GUCA1C: variants seen among roughly 807,000 people sequenced by gnomAD.
GUCA1C encodes the protein guanylate cyclase activator 1C.
A neutral mutation model predicts 16.2 loss-of-function variants in GUCA1C; 15 were observed. The observed-to-expected ratio is 0.93, with a 90% CI of 0.62 to 1.43. The LOEUF is 1.43. Among genes scored for constraint, GUCA1C ranks in the 40% most tolerant of loss-of-function variants. The probability of loss-of-function intolerance (pLI) is 0.00; values close to 1 mark genes in which losing one functional copy is unlikely to be tolerated. For missense variants in GUCA1C, 275 were observed against 244.8 expected (o/e 1.12, Z -0.82); for synonymous variants, 78 against 85.4 (o/e 0.91, Z 0.48).
chr3:108,940,679 G>A (rs1436162804), intron 1 of GUCA1C, among the ~76,000 whole-genome samples: 1 of 152,198 alleles, frequency 6.6e-6, no homozygotes, highest in African/African-American at 2.4e-5. Context: ...CTTTCGTTTG[G>A]AAATACAAGC....
intron 1 of GUCA1C, among the ~76,000 whole-genome samples, chr3:108,929,935 C>T (rs1233511427): frequency 6.6e-6 from 1 of 152,230 alleles, no homozygotes; most frequent in Admixed American, 6.5e-5. Context: ...AAGATTTTGT[C>T]GTATTCATCA....
At chr3:108,935,212 G>A (rs1946713239) in intron 1 of GUCA1C, among the ~76,000 whole-genome samples, 2 of 151,962 alleles carry the variant, frequency 1.3e-5, no homozygotes, top group Admixed American at 6.6e-5. Context: ...GGAGAGGAAG[G>A]GAGCAGGTGT....
At chr3:108,922,322 A>G (rs1266488112) in intron 1 of GUCA1C, among the ~76,000 whole-genome samples, 1 of 152,148 alleles carries the variant, frequency 6.6e-6, no homozygotes, top group Non-Finnish European at 1.5e-5. Context: ...TATCTTTTTC[A>G]TATAATGACT....
chr3:108,942,805 A>G (rs1946800931), intron 1 of GUCA1C, among the ~76,000 whole-genome samples: 1 of 152,230 alleles, frequency 6.6e-6, no homozygotes, highest in South Asian at 2.1e-4. Context: ...AATTTAGGAC[A>G]GAGACTAATT....
chr3:108,949,267 T>C (rs553031298), intron 1 of GUCA1C, among the ~76,000 whole-genome samples: 1 of 152,152 alleles, frequency 6.6e-6, no homozygotes, highest in Non-Finnish European at 1.5e-5. Flanking sequence ...GAGAAATCCA[T>C]GTGTGGAAGG....
intron 1 of GUCA1C, among the ~76,000 whole-genome samples, chr3:108,938,256 T>G (rs1946749408): frequency 6.6e-6 from 1 of 152,210 alleles, no homozygotes; most frequent in Admixed American, 6.5e-5. Flanking sequence ...CATCACTATC[T>G]GTGAAAAATT....
intron 1 of GUCA1C, among the ~76,000 whole-genome samples, chr3:108,928,343 C>T (rs1946640755): frequency 6.6e-6 from 1 of 152,186 alleles, no homozygotes; most frequent in Non-Finnish European, 1.5e-5. Flanking sequence ...TTCTGGATAA[C>T]AGCCCTTCAT....
At chr3:108,925,384 C>A (rs1411975057) in intron 1 of GUCA1C, among the ~76,000 whole-genome samples, 1 of 152,156 alleles carries the variant, frequency 6.6e-6, no homozygotes, top group African/African-American at 2.4e-5. Flanking sequence ...GTTGACCCAA[C>A]AATCATTCTG....
intron 1 of GUCA1C, among the ~76,000 whole-genome samples, chr3:108,931,962 C>G (rs141291013): frequency 6.7e-6 from 1 of 149,894 alleles, no homozygotes; most frequent in South Asian, 2.1e-4. Flanking sequence ...TGCCATTCTC[C>G]TGCTCAGCCT....
At chr3:108,911,546 A>G (rs779208240) in intron 3 of GUCA1C, among the ~76,000 whole-genome samples, 10 of 152,196 alleles carry the variant, frequency 6.6e-5, no homozygotes, top group Non-Finnish European at 1.2e-4. Context: ...ATGTCACAGA[A>G]TTGTGTTTAT....
intron 1 of GUCA1C, among the ~76,000 whole-genome samples, chr3:108,947,402 G>T (rs532355807): frequency 2.6e-5 from 4 of 152,216 alleles, no homozygotes; most frequent in African/African-American, 9.6e-5. Context: ...GGCAGAGAAG[G>T]AAGAAAATCT....
intron 1 of GUCA1C, among the ~76,000 whole-genome samples, chr3:108,928,459 C>T (rs956038599): frequency 2.6e-5 from 4 of 152,168 alleles, no homozygotes; most frequent in Non-Finnish European, 5.9e-5. Flanking sequence ...TAAACTCCAG[C>T]TTATTATTTT....
At chr3:108,918,325 A>G (rs1946537746) in intron 2 of GUCA1C, among the ~76,000 whole-genome samples, 1 of 152,154 alleles carries the variant, frequency 6.6e-6, no homozygotes, top group Admixed American at 6.5e-5. Flanking sequence ...GATCTAACAT[A>G]GCTCTATGCC....
chr3:108,939,764 T>C (rs1404810810), intron 1 of GUCA1C, among the ~76,000 whole-genome samples: 3 of 152,154 alleles, frequency 2.0e-5, no homozygotes, highest in African/African-American at 7.2e-5. Flanking sequence ...TAGTTTTCTG[T>C]CACTTAGACT....
At chr3:108,950,998 G>A (rs1946890938) in intron 1 of GUCA1C, among the ~76,000 whole-genome samples, 1 of 151,830 alleles carries the variant, frequency 6.6e-6, no homozygotes, top group South Asian at 2.1e-4. Context: ...ACTTTGAGGA[G>A]GTAGAAAAGT....
Position 108,953,597 on chromosome 3 carries a change from G to A in GUCA1C, c.166C>T (p.His56Tyr). Residue 56 changes from histidine to tyrosine, a missense_variant, in exon 1 of 4, where the codon CAT (histidine) becomes TAT (tyrosine). His to Tyr is a moderately conservative substitution (Grantham distance 83). Transcript: ENST00000261047. The part of the protein sequence containing the change: ...LQGLNQKANK[H>Y]IDQVYNTFDT... ...AAGGTATTATAAACTTGATCAATAT[G>A]TTTATTGGCCTTCTGATTCAGACCT... The A allele has an allele frequency of 6.2e-7, 1 of 1,612,336 alleles. No individual in the cohort carries two copies.
chr3:108,914,816 T>A (rs1373641201), intron 3 of GUCA1C, among the ~76,000 whole-genome samples: 1 of 152,234 alleles, frequency 6.6e-6, no homozygotes, highest in Non-Finnish European at 1.5e-5. Flanking sequence ...ATTGTCCTCA[T>A]CAGACCCTCC....
At chr3:108,935,162 A>C (rs1946712577) in intron 1 of GUCA1C, among the ~76,000 whole-genome samples, 1 of 151,920 alleles carries the variant, frequency 6.6e-6, no homozygotes, top group African/African-American at 2.4e-5. Context: ...ATGGACATAA[A>C]CATGGCAACA....
chr3:108,918,628 C>G (rs913580104), intron 2 of GUCA1C, among the ~76,000 whole-genome samples: 3 of 152,108 alleles, frequency 2.0e-5, no homozygotes, highest in African/African-American at 7.2e-5. Context: ...TGTTTTATAC[C>G]CTTGAAGTGA....
Sources: allele counts gnomAD v4.1 joint callset (sites outside exome capture counted in the v4.1 genomes callset), GRCh38; gene constraint gnomAD v4.1.1; transcripts MANE v1.5; gene names NCBI Gene and HGNC (gene_info 2026-07-23, HGNC 2026-07-21).